Variants in GABRG3 observed in about 807,000 individuals in gnomAD.
GABRG3 encodes the protein gamma-aminobutyric acid receptor subunit gamma-3.
GABRG3 carries 25 observed loss-of-function variants against 48.8 expected under a neutral mutation model. The observed-to-expected ratio is 0.51, with a 90% CI of 0.37 to 0.72. The LOEUF (loss-of-function observed/expected upper bound fraction) is 0.72, where lower values mean the gene tolerates loss of function less well. GABRG3 is among the 30% of genes least tolerant of loss of function. GABRG3 has a pLI of 0.00. For missense variants in GABRG3, 394 were observed against 577.9 expected, an observed-to-expected ratio of 0.68 and a Z score of 3.26; for synonymous variants, 227 against 217.6, an observed-to-expected ratio of 1.04 and a Z score of -0.38.
intron 3 of GABRG3, chr15:27,280,284 G>A (rs1891392437): frequency 6.6e-6 from 1 of 152,034 alleles, no homozygotes. Flanking sequence ...GAATACAAAA[G>A]TTTAAAATGT....
chr15:27,274,359 C>T (rs1458663413), intron 3 of GABRG3, among the ~76,000 whole-genome samples: 3 of 152,054 alleles, frequency 2.0e-5, no homozygotes, highest in African/African-American at 7.2e-5. Flanking sequence ...CTGAGAAGTT[C>T]GAGGGTATGG....
chr15:27,479,738 G>T (rs1380657196), intron 5 of GABRG3, among the ~76,000 whole-genome samples: 4 of 152,200 alleles, frequency 2.6e-5, no homozygotes, highest in Non-Finnish European at 5.9e-5. Flanking sequence ...ATGCTGTCAC[G>T]TGTTGCCAAT....
At chr15:27,050,364 G>A (rs899699344) in intron 3 of GABRG3, among the ~76,000 whole-genome samples, 1 of 152,178 alleles carries the variant, frequency 6.6e-6, no homozygotes, top group Non-Finnish European at 1.5e-5. Flanking sequence ...TGCTTCCCGA[G>A]GGTGGGTGAA....
intron 5 of GABRG3, among the ~76,000 whole-genome samples, chr15:27,362,149 G>GGA (rs1895045779): frequency 6.6e-6 from 1 of 152,158 alleles, no homozygotes; most frequent in African/African-American, 2.4e-5. Flanking sequence ...CCAAGCTATT[G>GGA]AATGCTTTCA....
rs1408791948 is a variant in GABRG3 at position 27,307,063 on chromosome 15, G to GTTTATATATAAACA, written c.271-19745_271-19744insTTATATATAAACAT. 8.6e-4 allele frequency among the ~76,000 whole-genome samples: 72 copies of GTTTATATATAAACA among 84,194 alleles called. 4 individuals carry two copies. Among genetic ancestry groups the GTTTATATATAAACA allele is most frequent in the African/African-American group, 1.7e-3 (30 of 17,924 alleles). The allele number at this position is 84,194 out of a possible 152,430, so 55.2% of individuals were successfully genotyped here. A position where few individuals can be genotyped will look rare whatever the true frequency, so the allele number is the denominator to read the frequency against. On this transcript the variant is annotated intron_variant, in intron 3 of 9. Coordinates refer to ENST00000615808, the MANE Select transcript of GABRG3 (RefSeq NM_033223.5). Reference sequence around the variant, plus strand: ...AATAAACATGTTTATATATAAACATGTATAATATAAACATGTTTATATATA... The same window carrying GTTTATATATAAACA: ...AATAAACATGTTTATATATAAACATGTTTATATATAAACATATAATATAAACATGTTTATATATA...
intron 2 of GABRG3, among the ~76,000 whole-genome samples, chr15:27,013,263 C>A (rs1276261548): frequency 6.6e-6 from 1 of 152,074 alleles, no homozygotes; most frequent in African/African-American, 2.4e-5. Flanking sequence ...TTTTTCAAGG[C>A]TGAACAATAT....
At chr15:27,389,895 T>G (rs1896169482) in intron 5 of GABRG3, among the ~76,000 whole-genome samples, 1 of 152,242 alleles carries the variant, frequency 6.6e-6, no homozygotes, top group South Asian at 2.1e-4. Flanking sequence ...TAAAACTGCC[T>G]GCAGGGCATA....
chr15:27,029,555 C>T (rs1896045864), intron 3 of GABRG3, among the ~76,000 whole-genome samples: 2 of 152,110 alleles, frequency 1.3e-5, no homozygotes, highest in South Asian at 4.2e-4. Flanking sequence ...CACACGCACA[C>T]ACACGCACAT....
At chr15:27,476,082 G>T (rs554011541) in intron 5 of GABRG3, among the ~76,000 whole-genome samples, 7 of 152,246 alleles carry the variant, frequency 4.6e-5, no homozygotes, top group Non-Finnish European at 1.0e-4. Flanking sequence ...AGCCAGCAAA[G>T]AACTCAATGG....
At chr15:27,361,510 C>T (rs1566805630) in intron 5 of GABRG3, among the ~76,000 whole-genome samples, 1 of 152,174 alleles carries the variant, frequency 6.6e-6, no homozygotes, top group African/African-American at 2.4e-5. Context: ...GTAAACGTCC[C>T]ATGAAATTGA....
intron 3 of GABRG3, among the ~76,000 whole-genome samples, chr15:27,033,205 C>G (rs1896116623): frequency 1.3e-5 from 2 of 151,412 alleles, no homozygotes; most frequent in African/African-American, 4.9e-5. Flanking sequence ...TCCAGGTTTT[C>G]ACATTACGTG....
intron 3 of GABRG3, among the ~76,000 whole-genome samples, chr15:27,104,865 C>T (rs1173630120): frequency 6.6e-6 from 1 of 152,080 alleles, no homozygotes; most frequent in Non-Finnish European, 1.5e-5. Context: ...TTGAGAGAAC[C>T]AGAGGAAACA....
intron 5 of GABRG3, among the ~76,000 whole-genome samples, chr15:27,383,322 G>A (rs905686254): frequency 1.4e-4 from 21 of 152,016 alleles, no homozygotes; most frequent in Admixed American, 7.9e-4. Flanking sequence ...CCATTCTTTC[G>A]CTTGTTGAAT....
chr15:27,231,485 T>C (rs1278033481), intron 3 of GABRG3, among the ~76,000 whole-genome samples: 1 of 152,158 alleles, frequency 6.6e-6, no homozygotes, highest in Non-Finnish European at 1.5e-5. Flanking sequence ...GAGGGCTTGG[T>C]CCATTCCAAG....
chr15:26,980,681 C>CAAAA (rs67711680), intron 2 of GABRG3, among the ~76,000 whole-genome samples: 3 of 124,034 alleles, frequency 2.4e-5, no homozygotes, highest in Non-Finnish European at 3.7e-5. Flanking sequence ...TCCTCTGTCT[C>CAAAA]AAAAAAAAAA....
At chr15:27,182,156 A>G (rs564449366) in intron 3 of GABRG3, among the ~76,000 whole-genome samples, 3 of 152,218 alleles carry the variant, frequency 2.0e-5, no homozygotes, top group Admixed American at 1.3e-4. Flanking sequence ...ATTTCACATC[A>G]GCTCTGGGGA....
intron 3 of GABRG3, among the ~76,000 whole-genome samples, chr15:27,075,355 A>G (rs920392725): frequency 6.6e-6 from 1 of 152,198 alleles, no homozygotes; most frequent in African/African-American, 2.4e-5. Context: ...GAGCTATGCT[A>G]TGGTTTCTTG....
chr15:27,163,814 G>A (rs1438012950), intron 3 of GABRG3, among the ~76,000 whole-genome samples: 1 of 152,224 alleles, frequency 6.6e-6, no homozygotes, highest in African/African-American at 2.4e-5. Flanking sequence ...TACCATGTGC[G>A]AGTGGGCTTG....
At chr15:27,015,383 ATTT>A (rs36045792) in intron 2 of GABRG3, among the ~76,000 whole-genome samples, 2 of 110,296 alleles carry the variant, frequency 1.8e-5, no homozygotes, top group African/African-American at 7.4e-5. Context: ...TTTGTGTTTG[ATTT>A]TTTTTTTTTT....
Sources: gnomAD v4.1 joint callset for allele counts (sites outside exome capture counted in the v4.1 genomes callset) on GRCh38, gnomAD v4.1.1 for gene constraint, MANE v1.5 for transcripts, NCBI Gene and HGNC (gene_info 2026-07-23, HGNC 2026-07-21) for gene names.